The following ZNF432 variants were observed in gnomAD, a reference collection of about 807,000 sequenced individuals.
The protein encoded by ZNF432 is zinc finger protein 432.
In ZNF432, 10 loss-of-function variants were observed where a neutral mutation model predicts 13.9. That is an observed-to-expected ratio of 0.72 (90% CI 0.44 to 1.22). The LOEUF (loss-of-function observed/expected upper bound fraction) is 1.22, where lower values mean the gene tolerates loss of function less well. Among genes scored for constraint, ZNF432 ranks in the 50% most tolerant of loss-of-function variants. ZNF432 has a pLI of 0.00. For synonymous variants in ZNF432, 247 were observed against 256.2 expected (o/e 0.96, Z 0.34); for missense variants, 793 against 796.2 (o/e 1.00, Z 0.05).
In ZNF432 at chr19:52,048,706, T is replaced by G. The variant is rs11670943; in HGVS notation, c.-204A>C. 3,931 of 152,974 alleles carry G rather than the reference T, an allele frequency of 0.026. 71 individuals carry two copies. Among genetic ancestry groups the G allele is most frequent in the Non-Finnish European group, 0.038 (2,611 of 68,338 alleles). 9.5% of individuals were successfully genotyped at this position (152,974 alleles called of 1,614,324 possible). The stretch of plus-strand genomic sequence containing the variant: ...ACCCACACACTGACCTGACTCTCCT[T>G]GGAATCGCCGCGACCTCTTAAAAGC... On this transcript the variant is annotated 5_prime_UTR_variant, in exon 1 of 5. Transcript: ENST00000221315.
chr19:52,046,116 CAGA>C (rs2087180350), intron 2 of ZNF432, among the ~76,000 whole-genome samples: 1 of 149,988 alleles, frequency 6.7e-6, no homozygotes, highest in East Asian at 2.0e-4. Context: ...GGTGAAAATG[CAGA>C]AGGATATTGT....
intron 4 of ZNF432, among the ~76,000 whole-genome samples, chr19:52,038,758 T>C (rs988973293): frequency 6.6e-6 from 1 of 152,262 alleles, no homozygotes; most frequent in African/African-American, 2.4e-5. Context: ...ATCTTCTGTG[T>C]AGTGAGGATC....
chr19:52,045,505 C>T (rs1179610342), intron 2 of ZNF432, among the ~76,000 whole-genome samples: 1 of 151,102 alleles, frequency 6.6e-6, no homozygotes, highest in African/African-American at 2.4e-5. Context: ...TACAGGCATG[C>T]GCCACCACAC....
At chr19:52,042,062 A>C (rs2087141438) in intron 2 of ZNF432, among the ~76,000 whole-genome samples, 1 of 152,222 alleles carries the variant, frequency 6.6e-6, no homozygotes, top group South Asian at 2.1e-4. Context: ...AAACATGAGA[A>C]ACTATTAAAG....
Position 52,035,419 on chromosome 19 carries a change from T to A in ZNF432, c.260A>T (p.His87Leu), listed in dbSNP as rs781266167. 1.6e-5 allele frequency: 25 copies of A among 1,553,806 alleles called. No homozygotes were observed. The highest frequency in any genetic ancestry group is 2.2e-5 in the Non-Finnish European group (25 of 1,156,070). ...TTGATTTTCCAAGTGATCCTGCAGA[T>A]GATCATCAACTTCGTTGTTTTCTAG... Reference protein sequence around the residue: ...ICPENNEVDDHLQDHLENQRM... With the variant: ...ICPENNEVDDLLQDHLENQRM... The change falls in exon 5 of 5, where the codon CAT (histidine) becomes CTT (leucine). Residue 87 changes from histidine to leucine, a missense_variant. Physicochemically the swap from His to Leu is moderately conservative, Grantham distance 99. Coordinates refer to ENST00000221315, the MANE Select transcript of ZNF432 (RefSeq NM_014650.4).
In ZNF432 at chr19:52,033,586, C is replaced by T; in HGVS notation, c.*134G>A. The T allele has an allele frequency of 2.0e-6, 2 of 1,022,944 alleles. No individual in the cohort carries two copies. Among genetic ancestry groups the T allele is most frequent in the Admixed American group, 5.3e-5 (2 of 37,450 alleles). 63.4% of individuals were successfully genotyped at this position (1,022,944 alleles called of 1,614,324 possible). A position where few individuals can be genotyped will look rare whatever the true frequency, so the allele number is the denominator to read the frequency against. ...CTTTCTGACATTGATAGCATTCATCCTAGTGAATAACACTGGATTTTGAAA... is the reference window on the plus strand; with the variant it reads ...CTTTCTGACATTGATAGCATTCATCTTAGTGAATAACACTGGATTTTGAAA... On this transcript the variant is annotated 3_prime_UTR_variant, in exon 5 of 5. Coordinates refer to ENST00000221315, the MANE Select transcript of ZNF432 (RefSeq NM_014650.4).
intron 4 of ZNF432, among the ~76,000 whole-genome samples, chr19:52,035,994 T>A (rs1178149184): frequency 6.6e-6 from 1 of 152,236 alleles, no homozygotes; most frequent in Non-Finnish European, 1.5e-5. Context: ...TATATCGATT[T>A]GACAGCTTTC....
Position 52,033,287 on chromosome 19 carries a change from C to T in ZNF432, c.*433G>A, listed in dbSNP as rs1282007060. 6.1e-6 allele frequency: 1 copy of T among 163,278 alleles called. No individual in the cohort carries two copies. Among genetic ancestry groups the T allele is most frequent in the East Asian group, 1.8e-4 (1 of 5,684 alleles). The allele number at this position is 163,278 out of a possible 1,614,324, so 10.1% of individuals were successfully genotyped here. A position where few individuals can be genotyped will look rare whatever the true frequency, so the allele number is the denominator to read the frequency against. On this transcript the variant is annotated 3_prime_UTR_variant, in exon 5 of 5. Coordinates refer to ENST00000221315, the MANE Select transcript of ZNF432 (RefSeq NM_014650.4). ...TCTAGCAACAGGCTGCTCTACACTGCCTATATGCATGTATGCTAGGAGCAC... is the reference window on the plus strand; with the variant it reads ...TCTAGCAACAGGCTGCTCTACACTGTCTATATGCATGTATGCTAGGAGCAC...
intron 2 of ZNF432, among the ~76,000 whole-genome samples, chr19:52,045,871 T>C (rs2087176552): frequency 6.6e-6 from 1 of 151,416 alleles, no homozygotes; most frequent in Non-Finnish European, 1.5e-5. Flanking sequence ...AGTGCACACC[T>C]GTAATCCCAG....
intron 2 of ZNF432, among the ~76,000 whole-genome samples, chr19:52,042,233 A>G (rs1164234915): frequency 6.6e-6 from 1 of 152,160 alleles, no homozygotes. Context: ...AGAGATAATT[A>G]GTGAGTTGGA....
At chr19:52,046,007 C>CAAAA (rs201110474) in intron 2 of ZNF432, among the ~76,000 whole-genome samples, 2 of 87,058 alleles carry the variant, frequency 2.3e-5, no homozygotes, top group African/African-American at 4.1e-5. Flanking sequence ...AAACAAAAAC[C>CAAAA]AAAAAAAAAA....
intron 2 of ZNF432, among the ~76,000 whole-genome samples, chr19:52,045,355 T>TA: frequency 7.4e-6 from 1 of 134,492 alleles, no homozygotes; most frequent in South Asian, 2.9e-4. Flanking sequence ...TTTTTACCTT[T>TA]TTTTTTTTTT....
chr19:52,046,007 C>CAAAAAA (rs201110474), intron 2 of ZNF432, among the ~76,000 whole-genome samples: 3 of 87,060 alleles, frequency 3.4e-5, no homozygotes, highest in Non-Finnish European at 4.8e-5. Flanking sequence ...AAACAAAAAC[C>CAAAAAA]AAAAAAAAAA....
intron 2 of ZNF432, among the ~76,000 whole-genome samples, chr19:52,043,609 G>C (rs2123159068): frequency 6.6e-6 from 1 of 152,094 alleles, no homozygotes; most frequent in East Asian, 1.9e-4. Flanking sequence ...TTGCAGTTGA[G>C]ACAAGAGGAA....
At position 52,040,532 on chromosome 19, in the gene ZNF432, T is replaced by C; in HGVS notation, c.194A>G (p.Glu65Gly). The C allele has an allele frequency of 6.2e-7, 1 of 1,614,198 alleles. No homozygotes were observed. Among genetic ancestry groups the C allele is most frequent in the Non-Finnish European group, 8.5e-7 (1 of 1,180,012 alleles). ...DALSKLERGE[E>G]PWTMEDERHS... The stretch of plus-strand genomic sequence containing the variant: ...CCTTTCATCTTCCATTGTCCATGGT[T>C]CTTCTCCTCGTTCCAACTTGGAGAG... The change falls in exon 4 of 5, where the codon GAA becomes GGA. Residue 65 changes from glutamate (E) to glycine (G), a missense_variant. Glu to Gly is a moderately conservative substitution (Grantham distance 98, BLOSUM62 -2). Coordinates refer to ENST00000221315, the MANE Select transcript of ZNF432 (RefSeq NM_014650.4).
At chr19:52,044,233 A>C (rs1218962204) in intron 2 of ZNF432, among the ~76,000 whole-genome samples, 1 of 152,178 alleles carries the variant, frequency 6.6e-6, no homozygotes, top group African/African-American at 2.4e-5. Context: ...CACACGAGAA[A>C]TAAATCTGTT....
At chr19:52,038,027 G>A (rs1057181359) in intron 4 of ZNF432, among the ~76,000 whole-genome samples, 1 of 152,062 alleles carries the variant, frequency 6.6e-6, no homozygotes, top group African/African-American at 2.4e-5. Flanking sequence ...TGTCATCCAA[G>A]TGAAAGGTCA....
chr19:52,042,690 A>C (rs1307332547), intron 2 of ZNF432, among the ~76,000 whole-genome samples: 3 of 152,316 alleles, frequency 2.0e-5, no homozygotes, highest in South Asian at 2.1e-4. Context: ...CAAATAAGAG[A>C]AGCAATTTCC....
In ZNF432 at chr19:52,034,636, C is replaced by CT. The variant is rs777597825; in HGVS notation, c.1042dup (p.Ser348LysfsTer2). On this transcript the variant is annotated frameshift_variant, in exon 5 of 5. Coordinates refer to ENST00000221315, the MANE Select transcript of ZNF432 (RefSeq NM_014650.4). LOFTEE classifies it low-confidence loss of function (END_TRUNC). Reference sequence around the variant, plus strand: ...TGTGGTGAAGCCTTTCCCACATTCACTACAGATGTAGGGCTTCTCTCCTGT... The same window carrying CT: ...TGTGGTGAAGCCTTTCCCACATTCACTTACAGATGTAGGGCTTCTCTCCTGT... 1 of 1,613,532 alleles carries CT rather than the reference C, an allele frequency of 6.2e-7. No individual in the cohort carries two copies. Among genetic ancestry groups the CT allele is most frequent in the Admixed American group, 1.7e-5 (1 of 60,000 alleles).
Sources: gnomAD v4.1 joint callset for allele counts (sites outside exome capture counted in the v4.1 genomes callset) on GRCh38, gnomAD v4.1.1 for gene constraint, MANE v1.5 for transcripts, NCBI Gene and HGNC (gene_info 2026-07-23, HGNC 2026-07-21) for gene names.